SLC4A10: variants seen among roughly 807,000 people sequenced by gnomAD.
The protein encoded by SLC4A10 is solute carrier family 4 member 10.
In SLC4A10, 42 loss-of-function variants were observed where a neutral mutation model predicts 137.7. That is an observed-to-expected ratio of 0.30 (90% CI 0.24 to 0.39). The LOEUF (loss-of-function observed/expected upper bound fraction) is 0.39. Ranked by LOEUF, SLC4A10 falls within the 10% of genes least tolerant of loss-of-function variation. The pLI, the probability that SLC4A10 is intolerant of heterozygous loss-of-function variation, is 1.00. For missense variants in SLC4A10, 925 were observed against 1,355.0 expected (o/e 0.68, Z 4.98); for synonymous variants, 474 against 464.1 (o/e 1.02, Z -0.27).
At chr2:161,763,944 T>G (rs984981315) in intron 1 of SLC4A10, among the ~76,000 whole-genome samples, 3 of 152,220 alleles carry the variant, frequency 2.0e-5, no homozygotes, top group South Asian at 4.1e-4. Flanking sequence ...GAAGGGGAAT[T>G]TGGACCATCT....
intron 3 of SLC4A10, among the ~76,000 whole-genome samples, chr2:161,823,534 A>G (rs930423734): frequency 2.0e-5 from 3 of 152,238 alleles, no homozygotes; most frequent in African/African-American, 4.8e-5. Flanking sequence ...CGGAACCCGT[A>G]TGAAGTGCCA....
At position 161,836,580 on chromosome 2, in the gene SLC4A10, GAAAGAAAGAAAGAAAGAA is replaced by G. The variant is rs1249970639; in HGVS notation, c.278-3207_278-3190del. ...AGAAAGAAAGAAAGAAAGAAAGAAA[GAAAGAAAGAAAGAAAGAA>G]AGGAAGGAAGGAAAGAAATGAAAGA... On this transcript the variant is annotated intron_variant, in intron 3 of 26. Transcript: ENST00000446997. 9.6e-5 allele frequency among the ~76,000 whole-genome samples: 10 copies of G among 104,106 alleles called. 1 individual carries two copies. In the Admixed American group the frequency reaches 9.8e-4, roughly 10 times the overall value. The allele number at this position is 104,106 out of a possible 152,430, so 68.3% of individuals were successfully genotyped here.
intron 3 of SLC4A10, among the ~76,000 whole-genome samples, chr2:161,822,132 T>A (rs942176118): frequency 6.6e-6 from 1 of 152,230 alleles, no homozygotes; most frequent in Non-Finnish European, 1.5e-5. Flanking sequence ...AGGTGTGTAG[T>A]GAGTAAGCCT....
chr2:161,925,063 C>T (rs1688822892), intron 15 of SLC4A10, among the ~76,000 whole-genome samples: 1 of 152,086 alleles, frequency 6.6e-6, no homozygotes, highest in African/African-American at 2.4e-5. Flanking sequence ...ATGTAGATTA[C>T]TTCATTTGTT....
intron 1 of SLC4A10, among the ~76,000 whole-genome samples, chr2:161,746,212 C>T (rs1032078417): frequency 6.6e-6 from 1 of 152,046 alleles, no homozygotes; most frequent in African/African-American, 2.4e-5. Context: ...CTAGAAATGC[C>T]ATCCAGGAGT....
chr2:161,774,994 T>C (rs1176375448), intron 2 of SLC4A10, among the ~76,000 whole-genome samples: 1 of 151,904 alleles, frequency 6.6e-6, no homozygotes, highest in East Asian at 1.9e-4. Context: ...TTAAGAACTA[T>C]TGTAGTGGCT....
chr2:161,823,046 T>C (rs987330099), intron 3 of SLC4A10, among the ~76,000 whole-genome samples: 1 of 152,038 alleles, frequency 6.6e-6, no homozygotes, highest in African/African-American at 2.4e-5. Flanking sequence ...ACAGATAAAC[T>C]GCATAGCCTA....
At chr2:161,663,151 T>C (rs1000335793) in intron 1 of SLC4A10, among the ~76,000 whole-genome samples, 4 of 152,190 alleles carry the variant, frequency 2.6e-5, no homozygotes, top group Non-Finnish European at 5.9e-5. Context: ...GAAATCTTTT[T>C]TATAACAGCC....
chr2:161,704,182 T>C (rs1284371380), intron 1 of SLC4A10, among the ~76,000 whole-genome samples: 5 of 151,730 alleles, frequency 3.3e-5, no homozygotes, highest in African/African-American at 4.8e-5. Flanking sequence ...TCAAAAATTA[T>C]GTCATACAAT....
In SLC4A10 at chr2:161,894,723, G is replaced by C. The variant is rs61748241; in HGVS notation, c.1239G>C (p.Leu413Phe). The C allele has an allele frequency of 2.8e-6, 4 of 1,443,828 alleles. No individual in the cohort carries two copies. Among genetic ancestry groups the C allele is most frequent in the Non-Finnish European group, 2.8e-6 (3 of 1,087,988 alleles). The allele number at this position is 1,443,828 out of a possible 1,614,324, so 89.4% of individuals were successfully genotyped here. Residue 413 changes from leucine to phenylalanine, a missense_variant, in exon 11 of 27, where the codon TTG becomes TTC. Physicochemically the swap from Leu to Phe is conservative, Grantham distance 22. This residue lies in a region of SLC4A10 where 277 missense variants were observed against 306.1 expected (regional missense o/e 0.90). Coordinates refer to ENST00000446997, the MANE Select transcript of SLC4A10 (RefSeq NM_001178015.2). Reference sequence around the variant, plus strand: ...ATAAAGCTAAAGATCGTAATGACTTGGTATCAGGAATTGATGAGTTTCTGG... The same window carrying C: ...ATAAAGCTAAAGATCGTAATGACTTCGTATCAGGAATTGATGAGTTTCTGG... ...VAYKAKDRND[L>F]VSGIDEFLDQ...
intron 1 of SLC4A10, among the ~76,000 whole-genome samples, chr2:161,725,378 G>A (rs2125144238): frequency 6.6e-6 from 1 of 152,262 alleles, no homozygotes; most frequent in African/African-American, 2.4e-5. Flanking sequence ...GATAATGTAT[G>A]CAAAGTTTTA....
chr2:161,690,726 G>A (rs529792971), intron 1 of SLC4A10, among the ~76,000 whole-genome samples: 1 of 152,208 alleles, frequency 6.6e-6, no homozygotes, highest in Admixed American at 6.6e-5. Context: ...ACTTATAAGT[G>A]GGAGCTGAAC....
intron 3 of SLC4A10, among the ~76,000 whole-genome samples, chr2:161,832,601 C>T (rs2058500131): frequency 6.6e-6 from 1 of 152,142 alleles, no homozygotes; most frequent in Admixed American, 6.5e-5. Context: ...ATTTAACTGT[C>T]CTTTAGGCAG....
At chr2:161,929,995 T>C (rs1341004299) in intron 15 of SLC4A10, among the ~76,000 whole-genome samples, 2 of 152,314 alleles carry the variant, frequency 1.3e-5, no homozygotes, top group South Asian at 2.1e-4. Context: ...ATAAATCTTT[T>C]AGTTTGTGAG....
At chr2:161,884,197 T>C (rs1239354028) in intron 10 of SLC4A10, among the ~76,000 whole-genome samples, 2 of 152,200 alleles carry the variant, frequency 1.3e-5, no homozygotes, top group African/African-American at 4.8e-5. Context: ...ATTATCACTT[T>C]CACATACATT....
chr2:161,751,351 G>GA (rs2048948480), intron 1 of SLC4A10, among the ~76,000 whole-genome samples: 1 of 112,314 alleles, frequency 8.9e-6, no homozygotes, highest in Non-Finnish European at 1.9e-5. Context: ...GTTGCATTTT[G>GA]CTTTTTTTTT....
intron 1 of SLC4A10, among the ~76,000 whole-genome samples, chr2:161,755,429 G>A (rs909582386): frequency 7.2e-5 from 11 of 152,146 alleles, no homozygotes; most frequent in African/African-American, 2.7e-4. Flanking sequence ...TAACCTTTGG[G>A]AAGTTGAGTT....
intron 15 of SLC4A10, among the ~76,000 whole-genome samples, chr2:161,924,543 T>G (rs919551189): frequency 6.6e-6 from 1 of 152,152 alleles, no homozygotes. Flanking sequence ...AAATTTGAAT[T>G]TATTTATTTA....
At chr2:161,879,374 A>G in intron 9 of SLC4A10, 86 bp downstream of exon 9, 2 of 1,382,504 alleles carry the variant, frequency 1.4e-6, no homozygotes, top group Non-Finnish European at 1.9e-6. Context: ...ATTTTCTGTT[A>G]GAGTTTTGAC....
Sources: allele counts gnomAD v4.1 joint callset (sites outside exome capture counted in the v4.1 genomes callset), GRCh38; gene constraint gnomAD v4.1.1; regional missense constraint gnomAD v4.1.1; transcripts MANE v1.5; gene names NCBI Gene and HGNC (gene_info 2026-07-23, HGNC 2026-07-21).